TYK2: variants seen among roughly 807,000 people sequenced by gnomAD.
TYK2 encodes tyrosine kinase 2.
Under a neutral mutation model 130.9 loss-of-function variants are expected in TYK2, and 65 were observed. The ratio of observed to expected loss-of-function variants is 0.50; its 90% CI spans 0.41 to 0.61. The LOEUF (loss-of-function observed/expected upper bound fraction) is 0.61. Among genes scored for constraint, TYK2 ranks in the 20% least tolerant of loss-of-function variants. TYK2 has a pLI of 0.00. For missense variants in TYK2, 1,378 were observed against 1,610.7 expected (o/e 0.86, Z 2.47); for synonymous variants, 647 against 658.9 (o/e 0.98, Z 0.28).
At position 10,362,364 on chromosome 19, in the gene TYK2, G is replaced by C; in HGVS notation, c.1569C>G (p.Phe523Leu). ...AFVLEGWGRS[F>L]PSVRELGAAL... is the part of the protein sequence containing the mutation. Reference sequence around the variant, plus strand: ...CAGCCCCAAGTTCCCGAACGCTGGGGAAGGACCGGCCCCAGCCCTCCAGCA... The same window carrying C: ...CAGCCCCAAGTTCCCGAACGCTGGGCAAGGACCGGCCCCAGCCCTCCAGCA... The change falls in exon 11 of 25, where the codon TTC becomes TTG. Residue 523 changes from phenylalanine to leucine, a missense_variant. Physicochemically the swap from Phe to Leu is conservative, Grantham distance 22. Transcript: ENST00000525621. 1 of 1,614,124 alleles carries C rather than the reference G, an allele frequency of 6.2e-7. No homozygotes were observed. The highest frequency in any genetic ancestry group is 8.5e-7 in the Non-Finnish European group (1 of 1,180,000).
At position 10,350,816 on chromosome 19, in the gene TYK2, C is replaced by T; in HGVS notation, c.*18G>A. On this transcript the variant is annotated 3_prime_UTR_variant, in exon 25 of 25. Coordinates refer to ENST00000525621, the MANE Select transcript of TYK2 (RefSeq NM_003331.5). ...CACTGCCTGGTCCAGTCCTCCCAGGCAGGGCTGCCATTGTGCCTCAGCACA... is the reference window on the plus strand; with the variant it reads ...CACTGCCTGGTCCAGTCCTCCCAGGTAGGGCTGCCATTGTGCCTCAGCACA... The T allele has an allele frequency of 6.2e-7, 1 of 1,612,470 alleles. No homozygotes were observed. The highest frequency in any genetic ancestry group is 1.1e-5 in the South Asian group (1 of 91,006).
Position 10,350,970 on chromosome 19 carries a change from T to C in TYK2, c.3430-2A>G. On this transcript the variant is annotated splice_acceptor_variant, in intron 24 of 24. Transcript: ENST00000525621. LOFTEE classifies it high-confidence loss of function. ...GCAGTTCTTCATGAGATGATAGACC[T>C]AGAAGGAAAAACCAGGGCTGGTGGG... 1 of 1,614,094 alleles carries C rather than the reference T, an allele frequency of 6.2e-7. No homozygotes were observed. The highest frequency in any genetic ancestry group is 8.5e-7 in the Non-Finnish European group (1 of 1,180,020).
At chr19:10,354,308 G>T in intron 19 of TYK2, 74 bp from the exon 20 acceptor site, 1 of 1,558,342 alleles carries the variant, frequency 6.4e-7, no homozygotes, top group Admixed American at 1.7e-5. Flanking sequence ...GATTTCCCGG[G>T]CCACTCCTCC....
intron 15 of TYK2, 115 bp downstream of exon 15, chr19:10,359,060 C>A (rs2041256369): frequency 7.0e-7 from 1 of 1,433,902 alleles, no homozygotes; most frequent in Non-Finnish European, 9.5e-7. Flanking sequence ...GAAACTCCAC[C>A]TAAAACAAAA....
intron 5 of TYK2, among the ~76,000 whole-genome samples, chr19:10,367,418 A>G (rs960409545): frequency 6.6e-6 from 1 of 152,096 alleles, no homozygotes; most frequent in African/African-American, 2.4e-5. Context: ...TGAGGTCAGG[A>G]GTTTGAGACC....
intron 9 of TYK2, among the ~76,000 whole-genome samples, 168 bp from the exon 10 acceptor site, chr19:10,362,825 A>C (rs1883937059): frequency 6.6e-6 from 1 of 152,134 alleles, no homozygotes; most frequent in Non-Finnish European, 1.5e-5. Context: ...AGCCACTTAC[A>C]TGGAGACACA....
At chr19:10,368,788 A>C (rs1433853200) in intron 3 of TYK2, 1 of 265,732 alleles carries the variant, frequency 3.8e-6, no homozygotes, top group Non-Finnish European at 7.5e-6. Context: ...TGAACCATCC[A>C]ACCTGTACTT....
At chr19:10,357,469 C>T (rs1453922330) in intron 17 of TYK2, 20 of 702,424 alleles carry the variant, frequency 2.8e-5, no homozygotes, top group Non-Finnish European at 5.2e-6. Context: ...CATCCTCAGC[C>T]CTTCTTCCCC....
chr19:10,380,172 A>T (rs1017735486), intron 1 of TYK2, among the ~76,000 whole-genome samples: 1 of 152,220 alleles, frequency 6.6e-6, no homozygotes, highest in Admixed American at 6.5e-5. Flanking sequence ...ATTAATACCT[A>T]TTCATGTTAT....
At chr19:10,373,157 C>A (rs2041988282) in intron 3 of TYK2, among the ~76,000 whole-genome samples, 1 of 151,600 alleles carries the variant, frequency 6.6e-6, no homozygotes, top group South Asian at 2.1e-4. Context: ...CTGCCTCAGC[C>A]TCCTGAGTAG....
chr19:10,361,224 T>G lies in TYK2; in HGVS notation c.2047+287A>C. On this transcript the variant is annotated intron_variant, in intron 14 of 24. Coordinates refer to ENST00000525621, the MANE Select transcript of TYK2 (RefSeq NM_003331.5). This position sits in a 1 kb window ranked among gnomAD's most constrained non-coding sequence, Gnocchi z 4.0. Reference sequence around the variant, plus strand: ...GATGGGGGCTGGACTGTAGAGGTTGTTTGGGAGGTTGATGGAAGTGGGGAT... The same window carrying G: ...GATGGGGGCTGGACTGTAGAGGTTGGTTGGGAGGTTGATGGAAGTGGGGAT... The G allele has an allele frequency of 1.7e-6, 1 of 578,422 alleles. No individual in the cohort carries two copies. 35.8% of individuals were successfully genotyped at this position (578,422 alleles called of 1,614,324 possible).
chr19:10,359,718 G>A (rs1052251793), intron 14 of TYK2, among the ~76,000 whole-genome samples: 2 of 151,804 alleles, frequency 1.3e-5, no homozygotes. Flanking sequence ...GGTGGCTCAC[G>A]CCTGTAATCC....
At chr19:10,374,882 CAAA>C (rs769628463) in intron 3 of TYK2, among the ~76,000 whole-genome samples, 1 of 118,786 alleles carries the variant, frequency 8.4e-6, no homozygotes. Context: ...GACTTCGTTT[CAAA>C]AAAAAAAAAA....
intron 6 of TYK2, among the ~76,000 whole-genome samples, chr19:10,366,158 T>C (rs1360213273): frequency 6.6e-6 from 1 of 151,904 alleles, no homozygotes; most frequent in African/African-American, 2.4e-5. Context: ...AATACAAAAA[T>C]TAGCTGGGCT....
At position 10,361,404 on chromosome 19, in the gene TYK2, T is replaced by C. The variant is rs12720278; in HGVS notation, c.2047+107A>G. On this transcript the variant is annotated intron_variant, in intron 14 of 24. Coordinates refer to ENST00000525621, the MANE Select transcript of TYK2 (RefSeq NM_003331.5). This position sits in a 1 kb window ranked among gnomAD's most constrained non-coding sequence, Gnocchi z 4.0. The stretch of plus-strand genomic sequence containing the variant: ...CAGAGTACAGGTGAGAGTTGAGAAA[T>C]AGGCATAGGTTGGGGTGTAGGTCGA... 4.6e-3 allele frequency: 4,981 copies of C among 1,092,148 alleles called. 160 individuals are homozygous for C. In the African/African-American group the frequency reaches 0.069, roughly 15 times the overall value. 67.7% of individuals were successfully genotyped at this position (1,092,148 alleles called of 1,614,324 possible).
chr19:10,365,558 T>C lies in TYK2; in HGVS notation c.970A>G (p.Ile324Val), dbSNP rs1443990878. The C allele has an allele frequency of 6.2e-6, 10 of 1,613,938 alleles. No individual in the cohort carries two copies. Among genetic ancestry groups the C allele is most frequent in the Non-Finnish European group, 8.5e-6 (10 of 1,180,004 alleles). The part of the protein sequence containing the change: ...HEVLVTGTGG[I>V]QWWPVEEEVN... ...TCCTCCTCTACTGGCCACCACTGGA[T>C]GCCACCAGTGCCTGTCACCAGCACC... The change falls in exon 7 of 25, where the codon ATC becomes GTC. Residue 324 changes from isoleucine to valine, a missense_variant. Transcript: ENST00000525621.
At chr19:10,358,936 GC>G (rs1228040068) in intron 15 of TYK2, among the ~76,000 whole-genome samples, 4 of 152,150 alleles carry the variant, frequency 2.6e-5, no homozygotes, top group Admixed American at 1.3e-4. Context: ...GATGGCAGGA[GC>G]CTATAATCCC....
At position 10,364,840 on chromosome 19, in the gene TYK2, C is replaced by G. The variant is rs766424543; in HGVS notation, c.1209+11G>C. ...GATGGGCCCTAGCCCAGCCCCTACC[C>G]TGGGCCTCACCAGGCACTTGTTGTC... On this transcript the variant is annotated intron_variant, in intron 8 of 24. Transcript: ENST00000525621. The surrounding 1 kb of genome is among the most constrained non-coding windows in gnomAD (Gnocchi z 4.9). 6.2e-7 allele frequency: 1 copy of G among 1,614,050 alleles called. No individual in the cohort carries two copies. Among genetic ancestry groups the G allele is most frequent in the Non-Finnish European group, 8.5e-7 (1 of 1,180,040 alleles).
Position 10,368,425 on chromosome 19 carries a change from C to A in TYK2, c.194-7G>T. The A allele has an allele frequency of 1.2e-6, 2 of 1,614,052 alleles. No homozygotes were observed. Among genetic ancestry groups the A allele is most frequent in the South Asian group, 2.2e-5 (2 of 91,044 alleles). On this transcript the variant is annotated splice_polypyrimidine_tract_variant and splice_region_variant and intron_variant, in intron 3 of 24. Coordinates refer to ENST00000525621, the MANE Select transcript of TYK2 (RefSeq NM_003331.5). The stretch of plus-strand genomic sequence containing the variant: ...AAGCAAGGAGGAGTGATACCTGGAT[C>A]AGGTGAGAAACGAGGTCAGGAGTCA...
Sources: gnomAD v4.1 joint callset for allele counts (sites outside exome capture counted in the v4.1 genomes callset) on GRCh38, gnomAD v4.1.1 for gene constraint, Gnocchi (gnomAD v3.1) non-coding constraint, MANE v1.5 for transcripts, NCBI Gene and HGNC (gene_info 2026-07-23, HGNC 2026-07-21) for gene names.